Variants in TNNI3K observed in about 807,000 individuals in gnomAD.
TNNI3K encodes TNNI3 interacting kinase.
TNNI3K carries 140 observed loss-of-function variants against 114.5 expected under a neutral mutation model. The observed-to-expected ratio is 1.22, with a 90% confidence interval of 1.07 to 1.41. The LOEUF is 1.41. TNNI3K is among the 40% of genes most tolerant of loss of function. The probability of loss-of-function intolerance (pLI) is 0.00; values close to 1 mark genes in which losing one functional copy is unlikely to be tolerated. For missense variants in TNNI3K, 1,125 were observed against 1,007.6 expected (o/e 1.12, Z -1.58); for synonymous variants, 347 against 347.5 (o/e 1.00, Z 0.02).
intron 5 of TNNI3K, among the ~76,000 whole-genome samples, chr1:74,281,310 T>A (rs1319953475): frequency 6.8e-6 from 1 of 147,310 alleles, no homozygotes; most frequent in African/African-American, 2.5e-5. Flanking sequence ...AGAAAGTGGA[T>A]TATACTATCA....
At chr1:74,268,929 A>G (rs1390218977) in intron 4 of TNNI3K, among the ~76,000 whole-genome samples, 4 of 151,912 alleles carry the variant, frequency 2.6e-5, no homozygotes, top group African/African-American at 7.2e-5. Context: ...CATGGCCTAG[A>G]AGGCCCTGCA....
chr1:74,304,701 T>C (rs1012428682), intron 5 of TNNI3K, among the ~76,000 whole-genome samples: 5 of 152,062 alleles, frequency 3.3e-5, no homozygotes, highest in Non-Finnish European at 7.4e-5. Flanking sequence ...TGCTCCAATC[T>C]CCCAAAATGC....
intron 19 of TNNI3K, 105 bp from the exon 20 acceptor site, chr1:74,439,385 A>G: frequency 6.7e-7 from 1 of 1,502,982 alleles, no homozygotes. Context: ...ATGCCTTTTG[A>G]GAGCATCGGG....
chr1:74,458,402 C>T (rs1224583785), intron 20 of TNNI3K, among the ~76,000 whole-genome samples: 3 of 152,150 alleles, frequency 2.0e-5, no homozygotes, highest in Non-Finnish European at 4.4e-5. Context: ...AATTAGACCT[C>T]CAGATTTCCT....
At chr1:74,235,993 T>C (rs983925373) in intron 1 of TNNI3K, 109 bp from the exon 2 acceptor site, 1 of 665,334 alleles carries the variant, frequency 1.5e-6, no homozygotes. Flanking sequence ...AAATTAAGTA[T>C]TGTAGAATCT....
At chr1:74,543,839 G>A in intron 24 of TNNI3K, 67 bp from the exon 25 acceptor site, 1 of 1,594,672 alleles carries the variant, frequency 6.3e-7, no homozygotes, top group Non-Finnish European at 8.6e-7. Context: ...GTTCAGGCTG[G>A]TTATAAAAAA....
At chr1:74,540,617 A>C (rs1299603471) in intron 24 of TNNI3K, among the ~76,000 whole-genome samples, 1 of 151,998 alleles carries the variant, frequency 6.6e-6, no homozygotes, top group Non-Finnish European at 1.5e-5. Flanking sequence ...AAAAAAAAAA[A>C]AAAACTCCTT....
At chr1:74,464,082 A>T (rs953520073) in intron 21 of TNNI3K, among the ~76,000 whole-genome samples, 5 of 152,348 alleles carry the variant, frequency 3.3e-5, no homozygotes, top group African/African-American at 4.8e-5. Context: ...AGGGATATTT[A>T]AACAGTAAAA....
intron 4 of TNNI3K, among the ~76,000 whole-genome samples, chr1:74,265,958 GA>G (rs1655955785): frequency 6.6e-6 from 1 of 151,934 alleles, no homozygotes. Context: ...ATGGGTTATT[GA>G]ATTATTTATT....
chr1:74,532,083 C>T (rs900223733), intron 23 of TNNI3K, among the ~76,000 whole-genome samples: 1 of 152,066 alleles, frequency 6.6e-6, no homozygotes, highest in Non-Finnish European at 1.5e-5. Context: ...TCAACATAGC[C>T]CAGGCTGTGT....
chr1:74,540,563 CTGTA>C (rs1322211712), intron 24 of TNNI3K, among the ~76,000 whole-genome samples: 8 of 150,370 alleles, frequency 5.3e-5, no homozygotes, highest in African/African-American at 2.0e-4. Context: ...GTGTGAGTGC[CTGTA>C]TGTGTTTGTG....
intron 20 of TNNI3K, among the ~76,000 whole-genome samples, chr1:74,440,135 G>T (rs1396114953): frequency 1.3e-5 from 2 of 152,036 alleles, no homozygotes; most frequent in African/African-American, 4.8e-5. Context: ...AATGGGGCAT[G>T]CAGTGAGTCT....
At chr1:74,302,211 C>T (rs904219534) in intron 5 of TNNI3K, among the ~76,000 whole-genome samples, 2 of 152,218 alleles carry the variant, frequency 1.3e-5, no homozygotes, top group African/African-American at 4.8e-5. Context: ...GAGCCATAAA[C>T]AGTGCCCAGA....
At chr1:74,511,039 C>T (rs546468213) in intron 23 of TNNI3K, among the ~76,000 whole-genome samples, 2 of 152,180 alleles carry the variant, frequency 1.3e-5, no homozygotes, top group African/African-American at 2.4e-5. Flanking sequence ...AGGCGTCTGC[C>T]ACCATGCCCA....
At chr1:74,465,905 A>G (rs1265843222) in intron 21 of TNNI3K, among the ~76,000 whole-genome samples, 1 of 152,198 alleles carries the variant, frequency 6.6e-6, no homozygotes, top group Non-Finnish European at 1.5e-5. Flanking sequence ...ATAAGGGAAT[A>G]AAAGCAGGGT....
intron 5 of TNNI3K, among the ~76,000 whole-genome samples, chr1:74,286,459 T>C (rs1471902048): frequency 6.6e-6 from 1 of 152,004 alleles, no homozygotes; most frequent in Non-Finnish European, 1.5e-5. Context: ...AGGCCAGCCC[T>C]AGTAGTCCCA....
At chr1:74,465,362 C>T (rs970422258) in intron 21 of TNNI3K, among the ~76,000 whole-genome samples, 64 of 152,290 alleles carry the variant, frequency 4.2e-4, no homozygotes, top group African/African-American at 5.3e-4. Flanking sequence ...TTGGAGTGGC[C>T]GGTGGGCGCC....
At chr1:74,389,502 T>A (rs918496738) in intron 17 of TNNI3K, among the ~76,000 whole-genome samples, 1 of 152,210 alleles carries the variant, frequency 6.6e-6, no homozygotes, top group Non-Finnish European at 1.5e-5. Flanking sequence ...AAGCTTTGTT[T>A]GATACACCTC....
At chr1:74,426,753 T>C (rs1204053564) in intron 17 of TNNI3K, among the ~76,000 whole-genome samples, 1 of 152,020 alleles carries the variant, frequency 6.6e-6, no homozygotes, top group East Asian at 1.9e-4. Context: ...CCCTGGCACA[T>C]TGCCAGAGAG....
Sources: allele counts gnomAD v4.1 joint callset (sites outside exome capture counted in the v4.1 genomes callset), GRCh38; gene constraint gnomAD v4.1.1; transcripts MANE v1.5; gene names NCBI Gene and HGNC (gene_info 2026-07-23, HGNC 2026-07-21).